Variants in GPM6A observed in about 807,000 individuals in gnomAD.
GPM6A encodes the protein glycoprotein M6A.
A neutral mutation model predicts 32.1 loss-of-function variants in GPM6A; 7 were observed. That is an observed-to-expected ratio of 0.22 (90% CI 0.12 to 0.41). GPM6A has a LOEUF of 0.41. Among genes scored for constraint, GPM6A ranks in the 10% least tolerant of loss-of-function variants. GPM6A has a pLI of 1.00. For synonymous variants in GPM6A, 130 were observed against 123.4 expected, an observed-to-expected ratio of 1.05 and a Z score of -0.35; for missense variants, 235 against 347.2, an observed-to-expected ratio of 0.68 and a Z score of 2.57.
At chr4:175,960,145 A>AGCTTAAC (rs1225399716) in intron 1 of GPM6A, among the ~76,000 whole-genome samples, 2 of 152,234 alleles carry the variant, frequency 1.3e-5, no homozygotes, top group African/African-American at 4.8e-5. Context: ...TGTTTTCTTA[A>AGCTTAAC]ATAAGCTCCT....
At chr4:175,958,963 T>C (rs1457639737) in intron 1 of GPM6A, among the ~76,000 whole-genome samples, 2 of 152,144 alleles carry the variant, frequency 1.3e-5, no homozygotes, top group African/African-American at 2.4e-5. Flanking sequence ...ACATAATGAG[T>C]GTCTGAATAT....
intron 1 of GPM6A, among the ~76,000 whole-genome samples, chr4:175,863,957 C>G (rs11938823): frequency 0.18 from 26,653 of 151,854 alleles, 2,486 homozygotes; most frequent in East Asian, 0.29. Context: ...GCTGTGGTTG[C>G]ACCACTGCAC....
At chr4:175,637,887 A>T (rs892164927) in intron 6 of GPM6A, among the ~76,000 whole-genome samples, 37 of 123,248 alleles carry the variant, frequency 3.0e-4, no homozygotes, top group African/African-American at 4.2e-4. Context: ...TTTATATATT[A>T]TATATATATA....
chr4:175,735,354 C>A (rs1731613811), intron 1 of GPM6A, among the ~76,000 whole-genome samples: 1 of 152,066 alleles, frequency 6.6e-6, no homozygotes, highest in African/African-American at 2.4e-5. Context: ...ATTTGGGAAG[C>A]AAGAAGGAAT....
intron 1 of GPM6A, among the ~76,000 whole-genome samples, chr4:175,998,576 G>A (rs545846835): frequency 4.9e-4 from 75 of 152,260 alleles, no homozygotes; most frequent in African/African-American, 1.3e-3. Context: ...TGCTTCCCCA[G>A]TCTTCAAGAT....
chr4:175,787,746 A>G (rs1733857033), intron 1 of GPM6A: 7 of 328,908 alleles, frequency 2.1e-5, no homozygotes, highest in Non-Finnish European at 3.2e-5. Flanking sequence ...TTCACAAGCA[A>G]TATAAAGCAC....
chr4:175,889,769 C>T (rs947612524), intron 1 of GPM6A, among the ~76,000 whole-genome samples: 3 of 151,856 alleles, frequency 2.0e-5, no homozygotes, highest in South Asian at 2.1e-4. Flanking sequence ...GCCGAGATCG[C>T]GCCACTGCAC....
chr4:175,782,187 C>A (rs141364975), intron 1 of GPM6A, among the ~76,000 whole-genome samples: 79 of 152,178 alleles, frequency 5.2e-4, no homozygotes, highest in African/African-American at 1.8e-3. Flanking sequence ...CATTATCTAA[C>A]CCCAATTTTA....
chr4:175,832,748 A>T (rs1159045693), intron 1 of GPM6A, among the ~76,000 whole-genome samples: 1 of 152,202 alleles, frequency 6.6e-6, no homozygotes, highest in East Asian at 1.9e-4. Context: ...TATTATATTG[A>T]TCTGTTATAT....
intron 1 of GPM6A, among the ~76,000 whole-genome samples, chr4:175,873,643 A>G (rs1216546463): frequency 6.6e-6 from 1 of 152,182 alleles, no homozygotes; most frequent in Non-Finnish European, 1.5e-5. Context: ...AAAGGCACTT[A>G]ATTTCTGTTA....
chr4:176,001,206 G>T (rs1348410433), intron 1 of GPM6A, among the ~76,000 whole-genome samples: 3 of 152,166 alleles, frequency 2.0e-5, no homozygotes, highest in Admixed American at 1.3e-4. Flanking sequence ...AGTCCCCAAG[G>T]CCTCCTTTAC....
intron 1 of GPM6A, among the ~76,000 whole-genome samples, chr4:175,732,499 T>C (rs796187326): frequency 1.4e-4 from 21 of 152,308 alleles, no homozygotes; most frequent in African/African-American, 5.1e-4. Context: ...TGTCATTAAA[T>C]TTATCTATAT....
intron 1 of GPM6A, among the ~76,000 whole-genome samples, chr4:175,976,777 C>G (rs1206875126): frequency 2.0e-5 from 3 of 152,116 alleles, no homozygotes; most frequent in African/African-American, 7.2e-5. Flanking sequence ...TGTAACGGTA[C>G]AAGTGAGGTA....
intron 1 of GPM6A, among the ~76,000 whole-genome samples, chr4:175,799,751 T>C (rs1419506211): frequency 2.2e-5 from 3 of 133,576 alleles, no homozygotes; most frequent in Non-Finnish European, 1.7e-5. Context: ...CTCGGCTCAC[T>C]GCAAGCTCCG....
At chr4:175,934,435 T>C (rs951641770) in intron 1 of GPM6A, among the ~76,000 whole-genome samples, 4 of 152,210 alleles carry the variant, frequency 2.6e-5, no homozygotes, top group African/African-American at 9.6e-5. Context: ...CTTAAGTTAT[T>C]AATTTGAAGT....
chr4:175,816,988 G>T (rs1179260170), upstream of GPM6A, among the ~76,000 whole-genome samples: 20 of 151,958 alleles, frequency 1.3e-4, no homozygotes, highest in East Asian at 2.5e-3. Context: ...GCCTCCCGAG[G>T]AGCTGGGACT....
At chr4:175,752,335 T>C (rs1472190940) in intron 1 of GPM6A, among the ~76,000 whole-genome samples, 3 of 152,136 alleles carry the variant, frequency 2.0e-5, no homozygotes, top group Non-Finnish European at 2.9e-5. Flanking sequence ...AATCTAAGCC[T>C]GCTGGTGGAC....
At chr4:175,852,366 A>T (rs1736285661) in intron 1 of GPM6A, among the ~76,000 whole-genome samples, 2 of 152,036 alleles carry the variant, frequency 1.3e-5, no homozygotes, top group Non-Finnish European at 2.9e-5. Context: ...ATACTTACGG[A>T]GATAAATGAA....
chr4:175,730,503 C>G (rs1272337133), intron 1 of GPM6A, among the ~76,000 whole-genome samples: 1 of 150,230 alleles, frequency 6.7e-6, no homozygotes, highest in African/African-American at 2.5e-5. Flanking sequence ...GGGAGTCTCG[C>G]TCTGTCGCCC....
Sources: allele counts gnomAD v4.1 joint callset (sites outside exome capture counted in the v4.1 genomes callset), GRCh38; gene constraint gnomAD v4.1.1; transcripts MANE v1.5; gene names NCBI Gene and HGNC (gene_info 2026-07-23, HGNC 2026-07-21).